The following FHIT variants were observed in gnomAD, a reference collection of about 807,000 sequenced individuals.
FHIT encodes bis(5'-adenosyl)-triphosphatase.
Under a neutral mutation model 17.9 loss-of-function variants are expected in FHIT, and 19 were observed. That is an observed-to-expected ratio of 1.06 (90% CI 0.74 to 1.56). FHIT has a LOEUF of 1.56. FHIT is among the 40% of genes most tolerant of loss of function. FHIT has a pLI of 0.00. For synonymous variants in FHIT, 81 were observed against 69.7 expected (o/e 1.16, Z -0.81); for missense variants, 248 against 189.2 (o/e 1.31, Z -1.82).
chr3:60,092,171 A>C (rs1703761318), intron 5 of FHIT, among the ~76,000 whole-genome samples: 1 of 152,334 alleles, frequency 6.6e-6, no homozygotes, highest in South Asian at 2.1e-4. Context: ...CTGAACACAC[A>C]TCTGTTAAAT....
chr3:61,170,736 G>C (rs1036068921), intron 2 of FHIT, among the ~76,000 whole-genome samples: 1 of 152,154 alleles, frequency 6.6e-6, no homozygotes, highest in African/African-American at 2.4e-5. Flanking sequence ...GTATTTAATG[G>C]TGTATATGTA....
At chr3:60,068,305 A>G (rs1382776676) in intron 5 of FHIT, among the ~76,000 whole-genome samples, 2 of 152,186 alleles carry the variant, frequency 1.3e-5, no homozygotes, top group Admixed American at 6.5e-5. Context: ...CCAAGCTGAA[A>G]ATGTTTGCTT....
chr3:59,797,472 C>T (rs1184756186), intron 8 of FHIT, among the ~76,000 whole-genome samples: 1 of 152,158 alleles, frequency 6.6e-6, no homozygotes, highest in Non-Finnish European at 1.5e-5. Context: ...CAGGTTTGAG[C>T]CACTGTGCCT....
intron 5 of FHIT, among the ~76,000 whole-genome samples, chr3:60,267,565 C>A (rs1248217952): frequency 1.3e-5 from 2 of 152,080 alleles, no homozygotes; most frequent in Non-Finnish European, 2.9e-5. Flanking sequence ...TCCTAGGTCT[C>A]CACGGGCCTC....
rs1197212990 is a variant in FHIT at position 59,997,895 on chromosome 3, TA to T, written c.279+13475del. On this transcript the variant is annotated intron_variant, in intron 7 of 9. Coordinates refer to ENST00000492590, the MANE Select transcript of FHIT (RefSeq NM_002012.4). ...TCTGCTGTGGCTATCTTTTATTTTT[TA>T]AGCATTTCTATTACGTATAATTTAT... 3.9e-5 allele frequency among the ~76,000 whole-genome samples: 6 copies of T among 152,304 alleles called. No individual in the cohort carries two copies. In the East Asian group the frequency reaches 1.2e-3, roughly 29 times the overall value.
chr3:60,494,503 T>C (rs2034209782), intron 5 of FHIT, among the ~76,000 whole-genome samples: 1 of 152,122 alleles, frequency 6.6e-6, no homozygotes, highest in Non-Finnish European at 1.5e-5. Flanking sequence ...TTTCAAAATG[T>C]ACAATTAAAT....
At chr3:60,782,826 C>T (rs1375223113) in intron 4 of FHIT, among the ~76,000 whole-genome samples, 1 of 152,148 alleles carries the variant, frequency 6.6e-6, no homozygotes, top group Non-Finnish European at 1.5e-5. Context: ...TTTCTGTATC[C>T]TCACGTGGAC....
chr3:60,483,372 G>A (rs400620), intron 5 of FHIT, among the ~76,000 whole-genome samples: 27,577 of 151,966 alleles, frequency 0.18, 4,218 homozygotes, highest in African/African-American at 0.41. Context: ...AGGAGACACA[G>A]TGAAAAAAGA....
chr3:60,379,923 T>A (rs1179202857), intron 5 of FHIT, among the ~76,000 whole-genome samples: 1 of 152,184 alleles, frequency 6.6e-6, no homozygotes, highest in Non-Finnish European at 1.5e-5. Flanking sequence ...GTGTTTCAAT[T>A]TACAATTTTG....
rs892533586 is a variant in FHIT, at chr3:59,748,481, C to A, written c.*1104G>T. 6.6e-6 allele frequency among the ~76,000 whole-genome samples: 1 copy of A among 152,052 alleles called. No homozygotes were observed. The highest frequency in any genetic ancestry group is 2.4e-5 in the African/African-American group (1 of 41,410). On this transcript the variant is annotated 3_prime_UTR_variant, in exon 10 of 10. Coordinates refer to ENST00000492590, the MANE Select transcript of FHIT (RefSeq NM_002012.4). ...AAATCCAGGCCCATTTTGGTTTCTGCTACCTGGCTGTAGTGTGACCAGGGA... is the reference window on the plus strand; with the variant it reads ...AAATCCAGGCCCATTTTGGTTTCTGATACCTGGCTGTAGTGTGACCAGGGA...
At chr3:60,548,275 C>T (rs1358405574) in intron 4 of FHIT, among the ~76,000 whole-genome samples, 15 of 152,144 alleles carry the variant, frequency 9.9e-5, no homozygotes, top group Admixed American at 9.8e-4. Context: ...TCACTTTAGG[C>T]AATCCCTTTG....
At chr3:60,961,666 C>A (rs1709452793) in intron 3 of FHIT, among the ~76,000 whole-genome samples, 1 of 152,170 alleles carries the variant, frequency 6.6e-6, no homozygotes, top group Non-Finnish European at 1.5e-5. Context: ...GTTTTCCCAG[C>A]ACCACTTATT....
chr3:59,874,956 T>C (rs1444722232), intron 8 of FHIT, among the ~76,000 whole-genome samples: 3 of 152,192 alleles, frequency 2.0e-5, no homozygotes, highest in East Asian at 3.9e-4. Context: ...AATCAAGAGT[T>C]TTTAGAAGCA....
intron 5 of FHIT, among the ~76,000 whole-genome samples, chr3:60,093,476 C>G (rs764239009): frequency 6.6e-6 from 1 of 152,156 alleles, no homozygotes; most frequent in Non-Finnish European, 1.5e-5. Context: ...AACCTCAATT[C>G]CATCTGCAAC....
intron 1 of FHIT, among the ~76,000 whole-genome samples, chr3:61,216,198 G>C (rs558782189): frequency 1.5e-4 from 23 of 152,166 alleles, no homozygotes; most frequent in Non-Finnish European, 2.5e-4. Context: ...CCATCAGAGT[G>C]AACAGGCAAC....
At chr3:59,865,597 A>T (rs1432595317) in intron 8 of FHIT, among the ~76,000 whole-genome samples, 1 of 152,234 alleles carries the variant, frequency 6.6e-6, no homozygotes, top group Non-Finnish European at 1.5e-5. Context: ...TGCAGGACAT[A>T]AAAGGGAACA....
At chr3:60,146,972 A>C (rs1700270112) in intron 5 of FHIT, among the ~76,000 whole-genome samples, 3 of 152,190 alleles carry the variant, frequency 2.0e-5, no homozygotes. Context: ...TAAATTTATT[A>C]ATAGAAGTGC....
chr3:60,469,501 T>C (rs2032973061), intron 5 of FHIT, among the ~76,000 whole-genome samples: 1 of 152,236 alleles, frequency 6.6e-6, no homozygotes, highest in Non-Finnish European at 1.5e-5. Flanking sequence ...TGCTTGATTC[T>C]TTATATCTCC....
At chr3:60,693,532 G>A (rs2041041486) in intron 4 of FHIT, among the ~76,000 whole-genome samples, 1 of 152,112 alleles carries the variant, frequency 6.6e-6, no homozygotes, top group Admixed American at 6.5e-5. Flanking sequence ...AACTAAAGAG[G>A]CTAAACTCGT....
Sources: allele counts gnomAD v4.1 joint callset (sites outside exome capture counted in the v4.1 genomes callset), GRCh38; gene constraint gnomAD v4.1.1; transcripts MANE v1.5; gene names NCBI Gene and HGNC (gene_info 2026-07-23, HGNC 2026-07-21).